PDE7B: variants seen among roughly 807,000 people sequenced by gnomAD.
PDE7B encodes 3',5'-cyclic-AMP phosphodiesterase 7B.
A neutral mutation model predicts 56.2 loss-of-function variants in PDE7B; 29 were observed. The observed-to-expected ratio is 0.52, with a 90% CI of 0.38 to 0.70. The LOEUF (loss-of-function observed/expected upper bound fraction) is 0.70. PDE7B is among the 30% of genes least tolerant of loss of function. The pLI is 0.00. For synonymous variants in PDE7B, 197 were observed against 196.9 expected (o/e 1.00, Z 0.00); for missense variants, 490 against 565.0 (o/e 0.87, Z 1.35).
At chr6:136,154,811 T>C (rs1410808373) in intron 7 of PDE7B, among the ~76,000 whole-genome samples, 1 of 152,222 alleles carries the variant, frequency 6.6e-6, no homozygotes, top group Non-Finnish European at 1.5e-5. Flanking sequence ...TGAGTTTTCT[T>C]AAGGTTTCTG....
At chr6:135,991,128 T>C (rs1321028940) in intron 2 of PDE7B, among the ~76,000 whole-genome samples, 1 of 152,188 alleles carries the variant, frequency 6.6e-6, no homozygotes, top group Non-Finnish European at 1.5e-5. Context: ...TACCGCCATC[T>C]TGGTTTTGGT....
At chr6:135,998,324 C>T (rs981140301) in intron 2 of PDE7B, among the ~76,000 whole-genome samples, 3 of 152,024 alleles carry the variant, frequency 2.0e-5, no homozygotes, top group Non-Finnish European at 2.9e-5. Flanking sequence ...ACACATTGTT[C>T]GCCTTGGTTC....
intron 1 of PDE7B, among the ~76,000 whole-genome samples, chr6:135,884,403 T>C (rs1044793184): frequency 1.3e-5 from 2 of 152,202 alleles, no homozygotes; most frequent in Non-Finnish European, 2.9e-5. Flanking sequence ...TCACATATGA[T>C]CATTACAATT....
chr6:135,862,672 T>C (rs1263614984), intron 1 of PDE7B, among the ~76,000 whole-genome samples: 1 of 151,936 alleles, frequency 6.6e-6, no homozygotes, highest in Non-Finnish European at 1.5e-5. Flanking sequence ...AGTTTTTAGT[T>C]ACAGTTTTAA....
At chr6:135,888,832 A>G (rs1775757252) in intron 1 of PDE7B, among the ~76,000 whole-genome samples, 1 of 152,154 alleles carries the variant, frequency 6.6e-6, no homozygotes, top group Non-Finnish European at 1.5e-5. Flanking sequence ...TCTGGTGTCC[A>G]GAAGATAAAT....
At chr6:136,078,748 A>G (rs912480802) in intron 2 of PDE7B, among the ~76,000 whole-genome samples, 1 of 152,170 alleles carries the variant, frequency 6.6e-6, no homozygotes, top group African/African-American at 2.4e-5. Flanking sequence ...ATTTATATTT[A>G]GAAAGTACAT....
At chr6:135,981,417 C>T (rs866724788) in intron 2 of PDE7B, among the ~76,000 whole-genome samples, 1 of 151,462 alleles carries the variant, frequency 6.6e-6, no homozygotes, top group African/African-American at 2.4e-5. Flanking sequence ...AGCACATGTA[C>T]CCTAAAACTT....
intron 6 of PDE7B, among the ~76,000 whole-genome samples, chr6:136,153,615 TG>T (rs1168084804): frequency 2.0e-5 from 3 of 152,226 alleles, no homozygotes; most frequent in Non-Finnish European, 4.4e-5. Context: ...CATTGGTATT[TG>T]TTATTCAAGT....
chr6:136,008,682 T>A (rs1369604825), intron 2 of PDE7B, among the ~76,000 whole-genome samples: 1 of 152,214 alleles, frequency 6.6e-6, no homozygotes, highest in Non-Finnish European at 1.5e-5. Context: ...GATGGGGTTG[T>A]TTGTTTGTTT....
Position 136,153,200 on chromosome 6 carries a change from TATAG to T in PDE7B, c.479-871_479-868del, listed in dbSNP as rs1473912325. Among the ~76,000 whole-genome samples, 9 of 152,180 alleles carry T rather than the reference TATAG, an allele frequency of 5.9e-5. 1 individual carries two copies. In the South Asian group the frequency reaches 8.3e-4, roughly 14 times the overall value. On this transcript the variant is annotated intron_variant, in intron 6 of 12. Transcript: ENST00000308191. ...ATTTGTCTGAAAAGGGAGATACAGA[TATAG>T]ATACTTTGGACACGTGTATCTACCC...
intron 2 of PDE7B, among the ~76,000 whole-genome samples, chr6:136,053,390 A>C (rs1180612419): frequency 6.6e-6 from 1 of 151,928 alleles, no homozygotes; most frequent in Non-Finnish European, 1.5e-5. Context: ...ACATGAACTC[A>C]TCATTTTTTA....
At chr6:135,895,319 C>A (rs150384353) in intron 1 of PDE7B, among the ~76,000 whole-genome samples, 1 of 152,030 alleles carries the variant, frequency 6.6e-6, no homozygotes, top group Non-Finnish European at 1.5e-5. Flanking sequence ...TTTATCAAGG[C>A]CTGGAAAATA....
intron 3 of PDE7B, among the ~76,000 whole-genome samples, chr6:136,142,310 G>A (rs1778339797): frequency 6.6e-6 from 1 of 152,188 alleles, no homozygotes; most frequent in African/African-American, 2.4e-5. Flanking sequence ...TTGCACTGTG[G>A]TCTGAGAGAC....
intron 2 of PDE7B, among the ~76,000 whole-genome samples, chr6:136,048,256 G>A (rs1232193721): frequency 6.6e-6 from 1 of 152,168 alleles, no homozygotes; most frequent in Non-Finnish European, 1.5e-5. Context: ...GGGCGCGGTG[G>A]CTCACGGCTA....
intron 2 of PDE7B, chr6:136,071,232 T>G (rs544983102): frequency 6.6e-6 from 1 of 152,314 alleles, no homozygotes; most frequent in African/African-American, 2.4e-5. Flanking sequence ...GCTGCATAGT[T>G]AATGTGCCAT....
intron 2 of PDE7B, among the ~76,000 whole-genome samples, chr6:136,049,700 C>G (rs949010312): frequency 3.9e-5 from 6 of 152,004 alleles, no homozygotes; most frequent in Non-Finnish European, 8.8e-5. Context: ...AACATAGGTA[C>G]AAGGCAAAGA....
chr6:136,118,840 G>A (rs1483067033), intron 3 of PDE7B, among the ~76,000 whole-genome samples: 1 of 151,686 alleles, frequency 6.6e-6, no homozygotes, highest in Non-Finnish European at 1.5e-5. Flanking sequence ...CAGTATCATT[G>A]AACAAATATT....
At chr6:135,934,810 T>TTA (rs1382718131) in intron 1 of PDE7B, among the ~76,000 whole-genome samples, 8 of 114,088 alleles carry the variant, frequency 7.0e-5, no homozygotes, top group African/African-American at 2.5e-4. Flanking sequence ...TATATATTTA[T>TTA]TATATATATA....
Position 136,192,159 on chromosome 6 carries a change from C to T in PDE7B, c.*319C>T, listed in dbSNP as rs1439722877. ...TGCTCCTGCCGTGTCCGCCTTGTTC[C>T]GGGTCGCACTGGAACAGGCAGCAAT... On this transcript the variant is annotated 3_prime_UTR_variant, in exon 13 of 13. Coordinates refer to ENST00000308191, the MANE Select transcript of PDE7B (RefSeq NM_018945.4). The T allele has an allele frequency of 1.1e-5, 4 of 368,746 alleles. No homozygotes were observed. The highest frequency in any genetic ancestry group is 2.0e-5 in the Non-Finnish European group (4 of 196,882). 22.8% of individuals were successfully genotyped at this position (368,746 alleles called of 1,614,324 possible). A position where few individuals can be genotyped will look rare whatever the true frequency, so the allele number is the denominator to read the frequency against.
Sources: gnomAD v4.1 joint callset for allele counts (sites outside exome capture counted in the v4.1 genomes callset) on GRCh38, gnomAD v4.1.1 for gene constraint, MANE v1.5 for transcripts, NCBI Gene and HGNC (gene_info 2026-07-23, HGNC 2026-07-21) for gene names.